The following FAXC variants were observed in gnomAD, a reference collection of about 807,000 sequenced individuals.
FAXC encodes failed axon connections homolog.
FAXC carries 10 observed loss-of-function variants against 41.9 expected under a neutral mutation model. The ratio of observed to expected loss-of-function variants is 0.24; its 90% CI spans 0.15 to 0.41. The LOEUF is 0.41. FAXC is among the 10% of genes least tolerant of loss of function. The pLI is 1.00. For synonymous variants in FAXC, 183 were observed against 183.8 expected (o/e 1.00, Z 0.03); for missense variants, 399 against 510.9 (o/e 0.78, Z 2.11).
At chr6:99,345,351 C>T (rs55962387) in intron 1 of FAXC, among the ~76,000 whole-genome samples, 58,618 of 151,860 alleles carry the variant, frequency 0.39, 12,240 homozygotes, top group African/African-American at 0.54. Flanking sequence ...GCTACTACTA[C>T]TATTACCATT....
rs1261021385 is a variant in FAXC, at chr6:99,272,144, ATATGTG to A, written c.*9014_*9019del. The A allele has an allele frequency of 7.0e-4, 29 of 41,390 alleles. No homozygotes were observed. The highest frequency in any genetic ancestry group is 3.6e-3 in the African/African-American group (28 of 7,790). 2.6% of individuals were successfully genotyped at this position (41,390 alleles called of 1,614,324 possible). On this transcript the variant is annotated 3_prime_UTR_variant, in exon 6 of 6. Transcript: ENST00000389677. ...AGAGGTATGAAAACTAATTGAGACTATATGTGTGTGTGTGTGTGTGTGTGTGTGTGT... is the reference window on the plus strand; with the variant it reads ...AGAGGTATGAAAACTAATTGAGACTATGTGTGTGTGTGTGTGTGTGTGTGT...
intron 4 of FAXC, among the ~76,000 whole-genome samples, chr6:99,319,790 C>T (rs1772524337): frequency 6.6e-6 from 1 of 152,126 alleles, no homozygotes; most frequent in African/African-American, 2.4e-5. Context: ...AATCATACTC[C>T]TAATATTTTT....
At chr6:99,312,918 T>A (rs1455094798) in intron 4 of FAXC, among the ~76,000 whole-genome samples, 1 of 152,164 alleles carries the variant, frequency 6.6e-6, no homozygotes, top group Non-Finnish European at 1.5e-5. Context: ...TCATATTATT[T>A]AAAAAACAAA....
Position 99,338,131 on chromosome 6 carries a change from AT to A in FAXC, c.403-4585del, listed in dbSNP as rs34023587. 6.6e-5 allele frequency among the ~76,000 whole-genome samples: 10 copies of A among 150,982 alleles called. No homozygotes were observed. In the South Asian group the frequency reaches 1.5e-3, roughly 22 times the overall value. ...GCATCCCTTTCTAAACCACAGCACC[AT>A]TTTTTTTTACCTAAAATCTGTCACA... is the stretch of plus-strand genomic sequence containing the variant. On this transcript the variant is annotated intron_variant, in intron 2 of 5. Transcript: ENST00000389677.
chr6:99,329,240 A>G (rs1232449465), intron 3 of FAXC, among the ~76,000 whole-genome samples: 3 of 152,206 alleles, frequency 2.0e-5, no homozygotes. Context: ...TCTCTTCTGC[A>G]AAAATGGGGT....
chr6:99,302,655 CAAAAAAAT>C (rs977686824), intron 4 of FAXC, among the ~76,000 whole-genome samples: 3 of 151,412 alleles, frequency 2.0e-5, no homozygotes, highest in African/African-American at 7.3e-5. Flanking sequence ...TACTCTGTCT[CAAAAAAAT>C]AAAAAAATAA....
rs928810386 is a variant in FAXC at position 99,320,678 on chromosome 6, T to C, written c.823+2766A>G. Among the ~76,000 whole-genome samples the C allele has an allele frequency of 4.6e-5, 7 of 152,344 alleles. No homozygotes were observed. The South Asian group carries it at 1.5e-3, about 32-fold the overall frequency. ...ATGATAATTACTGTCCTTTATAAGATGGCCCCAAACTATCTTTTAATCTTC... is the reference window on the plus strand; with the variant it reads ...ATGATAATTACTGTCCTTTATAAGACGGCCCCAAACTATCTTTTAATCTTC... On this transcript the variant is annotated intron_variant, in intron 4 of 5. Transcript: ENST00000389677.
chr6:99,311,718 C>T (rs184360862), intron 4 of FAXC, among the ~76,000 whole-genome samples: 39 of 152,326 alleles, frequency 2.6e-4, no homozygotes, highest in Admixed American at 2.4e-3. Flanking sequence ...CATCCAACCT[C>T]ATCTGGAGAA....
chr6:99,331,523 A>T (rs1489443244), intron 3 of FAXC, among the ~76,000 whole-genome samples: 1 of 152,238 alleles, frequency 6.6e-6, no homozygotes, highest in Non-Finnish European at 1.5e-5. Context: ...CAGAACAAAA[A>T]ATAGTGATGT....
chr6:99,282,379 A>G (rs1770873061), intron 5 of FAXC, among the ~76,000 whole-genome samples: 1 of 152,194 alleles, frequency 6.6e-6, no homozygotes, highest in Non-Finnish European at 1.5e-5. Flanking sequence ...CAAAAAATCC[A>G]TAAAATGGAT....
rs201858753 is a variant in FAXC at position 99,293,660 on chromosome 6, T to C, written c.824-1840A>G. ...GTGACATTTTTCCCATAATGCTCTATACACAGTGTGTGTGTGTGTGTGTGT... is the reference window on the plus strand; with the variant it reads ...GTGACATTTTTCCCATAATGCTCTACACACAGTGTGTGTGTGTGTGTGTGT... On this transcript the variant is annotated intron_variant, in intron 4 of 5. Transcript: ENST00000389677. Among the ~76,000 whole-genome samples, 46 of 133,740 alleles carry C rather than the reference T, an allele frequency of 3.4e-4. No individual in the cohort carries two copies. In the East Asian group the frequency reaches 8.8e-3, roughly 25 times the overall value. The allele number at this position is 133,740 out of a possible 152,430, so 87.7% of individuals were successfully genotyped here.
chr6:99,322,975 T>C (rs774755966), intron 4 of FAXC, among the ~76,000 whole-genome samples: 7 of 152,188 alleles, frequency 4.6e-5, no homozygotes, highest in Non-Finnish European at 7.3e-5. Context: ...AAATGACAAA[T>C]GTTCCACATA....
chr6:99,301,105 C>T (rs1771686762), intron 4 of FAXC, among the ~76,000 whole-genome samples: 1 of 152,246 alleles, frequency 6.6e-6, no homozygotes, highest in Non-Finnish European at 1.5e-5. Flanking sequence ...TCTTTAACCA[C>T]CAGCACTGTT....
At chr6:99,296,345 G>A (rs1266360838) in intron 4 of FAXC, among the ~76,000 whole-genome samples, 1 of 152,080 alleles carries the variant, frequency 6.6e-6, no homozygotes, top group Non-Finnish European at 1.5e-5. Context: ...GGAGACTTGG[G>A]TGGTGAGGCA....
chr6:99,323,546 T>A lies in FAXC; in HGVS notation c.721A>T (p.Ile241Phe). ...TGGCCGTGCATCTCGCGTTTCACAA[T>A]TCCTTTCGTTATGTGGCACACAACC... ...RWVVCHITKG[I>F]VKREMHGHGI... is the part of the protein sequence containing the mutation. The change falls in exon 4 of 6, where the codon ATT becomes TTT. Residue 241 changes from isoleucine to phenylalanine, a missense_variant. By Grantham distance (21) the Ile-to-Phe change is conservative. Coordinates refer to ENST00000389677, the MANE Select transcript of FAXC (RefSeq NM_032511.4). 1 of 1,614,232 alleles carries A rather than the reference T, an allele frequency of 6.2e-7. No homozygotes were observed. The highest frequency in any genetic ancestry group is 8.5e-7 in the Non-Finnish European group (1 of 1,180,042).
intron 4 of FAXC, among the ~76,000 whole-genome samples, chr6:99,308,937 T>C (rs910834326): frequency 6.6e-6 from 1 of 152,210 alleles, no homozygotes; most frequent in Non-Finnish European, 1.5e-5. Context: ...AATAATTTGT[T>C]AGGTTGACCA....
At chr6:99,313,045 C>A (rs1772206454) in intron 4 of FAXC, among the ~76,000 whole-genome samples, 1 of 152,206 alleles carries the variant, frequency 6.6e-6, no homozygotes, top group Non-Finnish European at 1.5e-5. Context: ...ACAATCCCAG[C>A]ACGTTGTGGG....
In FAXC at chr6:99,309,074, C is replaced by T. The variant is rs760280448; in HGVS notation, c.823+14370G>A. Among the ~76,000 whole-genome samples, 7 of 152,178 alleles carry T rather than the reference C, an allele frequency of 4.6e-5. No homozygotes were observed. The East Asian group carries it at 5.8e-4, about 13-fold the overall frequency. ...CTGGGAGAGCTTCCATAGCTGGCAA[C>T]TTACGGGTGGGGATGAAAGGGAAGT... On this transcript the variant is annotated intron_variant, in intron 4 of 5. Transcript: ENST00000389677.
At chr6:99,315,244 AAAAAAAAAAAAAAAAAAAC>A (rs1280220255) in intron 4 of FAXC, among the ~76,000 whole-genome samples, 2 of 127,360 alleles carry the variant, frequency 1.6e-5, no homozygotes, top group African/African-American at 6.1e-5. Flanking sequence ...AAAAAAAAAA[AAAAAAAAAAAAAAAAAAAC>A]CAGTAAATGT....
Sources: allele counts gnomAD v4.1 joint callset (sites outside exome capture counted in the v4.1 genomes callset), GRCh38; gene constraint gnomAD v4.1.1; transcripts MANE v1.5; gene names NCBI Gene and HGNC (gene_info 2026-07-23, HGNC 2026-07-21).